SGCZ: variants seen among roughly 807,000 people sequenced by gnomAD.
SGCZ encodes the protein zeta-sarcoglycan.
In SGCZ, 40 loss-of-function variants were observed where a neutral mutation model predicts 41.3. The ratio of observed to expected loss-of-function variants is 0.97; its 90% CI spans 0.75 to 1.26. The LOEUF is 1.26. Among genes scored for constraint, SGCZ ranks in the 50% most tolerant of loss-of-function variants. The probability of loss-of-function intolerance (pLI) is 0.00; values close to 1 mark genes in which losing one functional copy is unlikely to be tolerated. For missense variants in SGCZ, 552 were observed against 369.8 expected (o/e 1.49, Z -4.04); for synonymous variants, 206 against 137.5 (o/e 1.50, Z -3.49).
intron 2 of SGCZ, among the ~76,000 whole-genome samples, chr8:14,531,810 T>C (rs1160250039): frequency 1.3e-5 from 2 of 152,070 alleles, no homozygotes; most frequent in African/African-American, 2.4e-5. Context: ...GTCTAGTAGA[T>C]TGTAATTTGA....
At chr8:14,655,142 C>G (rs1807524078) in intron 1 of SGCZ, among the ~76,000 whole-genome samples, 1 of 152,054 alleles carries the variant, frequency 6.6e-6, no homozygotes, top group Non-Finnish European at 1.5e-5. Flanking sequence ...TGAATACCTA[C>G]TATATATTCC....
rs191120401 is a variant in SGCZ at position 14,432,962 on chromosome 8, C to T, written c.235-108758G>A. ...AAAAAAGCTTACTCATGTAACCAAA[C>T]ACCACCTGTTCTCCAATAACCTATG... is the stretch of plus-strand genomic sequence containing the variant. On this transcript the variant is annotated intron_variant, in intron 2 of 7. Coordinates refer to ENST00000382080, the MANE Select transcript of SGCZ (RefSeq NM_139167.4). Among the ~76,000 whole-genome samples the T allele has an allele frequency of 2.3e-5, 3 of 132,618 alleles. 1 individual carries two copies. Among genetic ancestry groups the T allele is most frequent in the Admixed American group, 7.8e-5 (1 of 12,892 alleles). 87.0% of individuals were successfully genotyped at this position (132,618 alleles called of 152,430 possible).
At chr8:15,166,526 G>C (rs986282158) in intron 1 of SGCZ, among the ~76,000 whole-genome samples, 4 of 152,104 alleles carry the variant, frequency 2.6e-5, no homozygotes, top group Non-Finnish European at 5.9e-5. Context: ...GGGATTACAG[G>C]TGTGAGCCAC....
At chr8:14,312,803 T>G (rs979098865) in intron 3 of SGCZ, among the ~76,000 whole-genome samples, 1 of 152,138 alleles carries the variant, frequency 6.6e-6, no homozygotes, top group Non-Finnish European at 1.5e-5. Context: ...CATGTTTCTT[T>G]ATGCAAACAA....
chr8:14,342,655 G>A (rs1488901384), intron 2 of SGCZ, among the ~76,000 whole-genome samples: 8 of 152,138 alleles, frequency 5.3e-5, no homozygotes, highest in Non-Finnish European at 7.3e-5. Flanking sequence ...TTCAAGAGGT[G>A]ACTTGGGTGC....
intron 1 of SGCZ, among the ~76,000 whole-genome samples, chr8:14,948,092 G>A (rs1800512316): frequency 6.6e-6 from 1 of 152,190 alleles, no homozygotes; most frequent in Non-Finnish European, 1.5e-5. Context: ...CAGGGTTAAG[G>A]AGGAAGAGAC....
chr8:14,831,596 G>A (rs576841685), intron 1 of SGCZ, among the ~76,000 whole-genome samples: 1 of 113,496 alleles, frequency 8.8e-6, no homozygotes, highest in Admixed American at 8.3e-5. Flanking sequence ...CTACAAGTGT[G>A]TTTGTGTGTG....
intron 5 of SGCZ, among the ~76,000 whole-genome samples, chr8:14,139,866 G>C (rs1418492665): frequency 6.6e-6 from 1 of 152,074 alleles, no homozygotes; most frequent in Admixed American, 6.6e-5. Flanking sequence ...ACCAAAGCCT[G>C]GCAGAGACAC....
chr8:14,248,418 G>A (rs192900381), intron 3 of SGCZ, among the ~76,000 whole-genome samples: 18 of 152,196 alleles, frequency 1.2e-4, no homozygotes, highest in African/African-American at 3.9e-4. Flanking sequence ...ATTTGTATAT[G>A]ATACACAGTT....
At position 14,109,731 on chromosome 8, in the gene SGCZ, G is replaced by C. The variant is rs140398861; in HGVS notation, c.548-1496C>G. ...TGGAAATGTATTAGAAGCATCAGAT[G>C]ACTCCTTTGCATAATATAGCAATAC... On this transcript the variant is annotated intron_variant, in intron 5 of 7. Transcript: ENST00000382080. Among the ~76,000 whole-genome samples, 14 of 152,208 alleles carry C rather than the reference G, an allele frequency of 9.2e-5. 1 individual carries two copies. Among genetic ancestry groups the C allele is most frequent in the Admixed American group, 2.6e-4 (4 of 15,292 alleles).
intron 4 of SGCZ, among the ~76,000 whole-genome samples, chr8:14,208,741 T>G (rs1805699824): frequency 6.6e-6 from 1 of 152,216 alleles, no homozygotes; most frequent in Non-Finnish European, 1.5e-5. Context: ...CTTGACTTAA[T>G]AATTAAGTGG....
chr8:14,269,106 T>C (rs1050142367), intron 3 of SGCZ, among the ~76,000 whole-genome samples: 7 of 152,106 alleles, frequency 4.6e-5, no homozygotes, highest in African/African-American at 1.7e-4. Context: ...TTCTCTATGA[T>C]ATAGTCATAA....
chr8:15,155,814 T>G (rs773863421), intron 1 of SGCZ, among the ~76,000 whole-genome samples: 2 of 152,090 alleles, frequency 1.3e-5, no homozygotes, highest in Non-Finnish European at 2.9e-5. Flanking sequence ...TCCTAGCACT[T>G]TGGGAGTCTG....
intron 3 of SGCZ, among the ~76,000 whole-genome samples, chr8:14,248,177 C>G (rs979879905): frequency 1.3e-5 from 2 of 152,140 alleles, no homozygotes; most frequent in African/African-American, 4.8e-5. Flanking sequence ...TCAAACCAAG[C>G]ACTGTACAAA....
chr8:14,791,727 A>T (rs1308564279), intron 1 of SGCZ, among the ~76,000 whole-genome samples: 1 of 152,212 alleles, frequency 6.6e-6, no homozygotes, highest in Non-Finnish European at 1.5e-5. Flanking sequence ...ATTGCTCTGT[A>T]GTTCTGATCC....
chr8:14,686,131 T>C (rs1808603075), intron 1 of SGCZ, among the ~76,000 whole-genome samples: 2 of 152,138 alleles, frequency 1.3e-5, no homozygotes, highest in Non-Finnish European at 2.9e-5. Flanking sequence ...TAAAAACTCA[T>C]CTGAGCAATT....
At chr8:15,004,886 G>A (rs1256405711) in intron 1 of SGCZ, among the ~76,000 whole-genome samples, 1 of 84,474 alleles carries the variant, frequency 1.2e-5, no homozygotes. Context: ...TTTGTGTGCT[G>A]TTCAAATACA....
chr8:14,112,904 A>G (rs967459518), intron 5 of SGCZ, among the ~76,000 whole-genome samples: 2 of 150,688 alleles, frequency 1.3e-5, no homozygotes, highest in African/African-American at 4.9e-5. Flanking sequence ...TTTTGGGGAA[A>G]GGATGGAGTA....
chr8:14,981,336 G>A (rs1476525414), intron 1 of SGCZ, among the ~76,000 whole-genome samples: 1 of 152,114 alleles, frequency 6.6e-6, no homozygotes, highest in African/African-American at 2.4e-5. Context: ...CTTTTCACCT[G>A]TGTTAAGATG....
Sources: gnomAD v4.1 joint callset for allele counts (sites outside exome capture counted in the v4.1 genomes callset) on GRCh38, gnomAD v4.1.1 for gene constraint, MANE v1.5 for transcripts, NCBI Gene and HGNC (gene_info 2026-07-23, HGNC 2026-07-21) for gene names.